The following TCEA3 variants were observed in gnomAD, a reference collection of about 807,000 sequenced individuals.
The protein encoded by TCEA3 is transcription elongation factor A protein 3.
A neutral mutation model predicts 44.0 loss-of-function variants in TCEA3; 36 were observed. The observed-to-expected ratio is 0.82, with a 90% CI of 0.63 to 1.08. TCEA3 has a LOEUF of 1.08. Ranked by LOEUF, TCEA3 falls within the 50% of genes least tolerant of loss-of-function variation. TCEA3 has a pLI of 0.00. For synonymous variants in TCEA3, 162 were observed against 159.7 expected (o/e 1.01, Z -0.11); for missense variants, 392 against 441.2 (o/e 0.89, Z 1.00).
chr1:23,400,373 C>CTTT (rs67325313), intron 5 of TCEA3, among the ~76,000 whole-genome samples: 16 of 133,456 alleles, frequency 1.2e-4, no homozygotes, highest in African/African-American at 2.5e-4. Context: ...CCACACCAGG[C>CTTT]TTTTTTTTTT....
chr1:23,416,585 G>C (rs540525685), intron 4 of TCEA3, among the ~76,000 whole-genome samples: 1 of 151,962 alleles, frequency 6.6e-6, no homozygotes, highest in Non-Finnish European at 1.5e-5. Flanking sequence ...TCCATCTCCC[G>C]GGCACAAGCG....
chr1:23,418,168 C>T (rs534295632), intron 2 of TCEA3, 159 bp from the exon 3 acceptor site: 1 of 668,906 alleles, frequency 1.5e-6, no homozygotes, highest in South Asian at 1.8e-5. Context: ...AACCCCACTA[C>T]TGTAACTAAG....
chr1:23,423,853 C>T (rs1475754760), intron 1 of TCEA3: 1 of 455,922 alleles, frequency 2.2e-6, no homozygotes, highest in Non-Finnish European at 4.4e-6. Context: ...CAGCCCTGCT[C>T]CCAACCTCCC....
At chr1:23,406,063 G>A (rs929573017) in intron 5 of TCEA3, among the ~76,000 whole-genome samples, 2 of 152,132 alleles carry the variant, frequency 1.3e-5, no homozygotes, top group African/African-American at 2.4e-5. Context: ...GAGATCCACT[G>A]GTCTAGAACC....
At chr1:23,414,019 A>G (rs1558066346) in intron 4 of TCEA3, among the ~76,000 whole-genome samples, 1 of 145,776 alleles carries the variant, frequency 6.9e-6, no homozygotes, top group Non-Finnish European at 1.5e-5. Context: ...TAAATTTTAT[A>G]TGTATATATA....
chr1:23,396,939 AG>A (rs1402041079), intron 7 of TCEA3, among the ~76,000 whole-genome samples: 4 of 142,122 alleles, frequency 2.8e-5, no homozygotes, highest in Non-Finnish European at 6.0e-5. Flanking sequence ...CAGAAGTTGT[AG>A]GTTGCAGTGA....
chr1:23,414,469 C>T (rs1218144433), intron 4 of TCEA3, among the ~76,000 whole-genome samples: 3 of 152,230 alleles, frequency 2.0e-5, no homozygotes, highest in African/African-American at 7.2e-5. Flanking sequence ...GTGGCACGAT[C>T]TTGGCTCACT....
intron 5 of TCEA3, 109 bp from the exon 6 acceptor site, chr1:23,398,064 C>T (rs1639275561): frequency 2.3e-6 from 3 of 1,328,122 alleles, no homozygotes; most frequent in Non-Finnish European, 3.1e-6. Flanking sequence ...TCATAACAAC[C>T]TCATGAGGTA....
rs772097607 is a variant in TCEA3, at chr1:23,417,271, T to C, written c.358A>G (p.Lys120Glu). The change falls in exon 4 of 11, where the codon AAA (lysine) becomes GAA (glutamate). Residue 120 changes from lysine (K) to glutamate (E), a missense_variant. Lys to Glu is a moderately conservative substitution (Grantham distance 56). Coordinates refer to ENST00000450454, the MANE Select transcript of TCEA3 (RefSeq NM_003196.3). ...PEAGLSPPRK[K>E]REDPKTRRDS... The stretch of plus-strand genomic sequence containing the variant: ...TACCTGGTTTTGGGGTCTTCTCGTT[T>C]TTTCCTTGGTGGAGAAAGGCCTGCT... The C allele has an allele frequency of 1.5e-4, 235 of 1,613,790 alleles. No homozygotes were observed. Among genetic ancestry groups the C allele is most frequent in the Non-Finnish European group, 1.9e-4 (230 of 1,179,888 alleles).
intron 5 of TCEA3, among the ~76,000 whole-genome samples, chr1:23,407,710 C>T (rs1639583202): frequency 6.6e-6 from 1 of 152,030 alleles, no homozygotes; most frequent in South Asian, 2.1e-4. Flanking sequence ...TACCTGTCTC[C>T]CCCTACTTAG....
At chr1:23,402,070 G>C (rs1639412181) in intron 5 of TCEA3, among the ~76,000 whole-genome samples, 1 of 152,238 alleles carries the variant, frequency 6.6e-6, no homozygotes, top group Non-Finnish European at 1.5e-5. Flanking sequence ...GCCGGGTGCA[G>C]TGGCTCATGC....
chr1:23,392,598 T>C, intron 8 of TCEA3, among the ~76,000 whole-genome samples: 4 of 136,424 alleles, frequency 2.9e-5, no homozygotes, highest in Admixed American at 7.4e-5. Flanking sequence ...ACACACACAC[T>C]CCACACATCA....
At chr1:23,407,037 A>G (rs1639564305) in intron 5 of TCEA3, among the ~76,000 whole-genome samples, 1 of 152,152 alleles carries the variant, frequency 6.6e-6, no homozygotes, top group Non-Finnish European at 1.5e-5. Context: ...CTCAAATCCA[A>G]CACATCGAGA....
intron 1 of TCEA3, chr1:23,423,730 G>C (rs1640131738): frequency 4.4e-6 from 2 of 455,974 alleles, no homozygotes; most frequent in Non-Finnish European, 8.8e-6. Flanking sequence ...GGCCAAATTT[G>C]CTCTGGCCAG....
intron 10 of TCEA3, among the ~76,000 whole-genome samples, chr1:23,382,903 T>C (rs554762897): frequency 1.3e-5 from 2 of 151,092 alleles, no homozygotes; most frequent in African/African-American, 4.8e-5. Flanking sequence ...AAGGAAAAAA[T>C]ACATAATCAT....
intron 2 of TCEA3, among the ~76,000 whole-genome samples, 180 bp downstream of exon 2, chr1:23,418,897 C>T (rs1419004593): frequency 6.6e-6 from 1 of 151,620 alleles, no homozygotes; most frequent in Non-Finnish European, 1.5e-5. Flanking sequence ...CTCTCCGCCC[C>T]CGAGATGCCC....
rs1639678666 is a variant in TCEA3 at position 23,410,584 on chromosome 1, C to T, written c.381-1858G>A. Among the ~76,000 whole-genome samples the T allele has an allele frequency of 1.3e-5, 2 of 152,012 alleles. 1 individual carries two copies. The highest frequency in any genetic ancestry group is 4.8e-5 in the African/African-American group (2 of 41,426). On this transcript the variant is annotated intron_variant, in intron 4 of 10. Transcript: ENST00000450454. ...TTGGGAGGCCAAAGTGGGCAGATCACTTGAGTCAGGAGTTCAAAACCAGCC... is the reference window on the plus strand; with the variant it reads ...TTGGGAGGCCAAAGTGGGCAGATCATTTGAGTCAGGAGTTCAAAACCAGCC...
intron 8 of TCEA3, among the ~76,000 whole-genome samples, chr1:23,389,808 T>C (rs190034337): frequency 7.5e-4 from 114 of 152,292 alleles, no homozygotes; most frequent in Admixed American, 4.0e-3. Context: ...CAAAATTCCA[T>C]GGCCAATTTC....
chr1:23,383,096 G>A (rs1223003741), intron 10 of TCEA3, among the ~76,000 whole-genome samples: 13 of 152,018 alleles, frequency 8.6e-5, no homozygotes, highest in African/African-American at 2.9e-4. Flanking sequence ...TGGCTAACAC[G>A]GTGAAACCCC....
Sources: gnomAD v4.1 joint callset for allele counts (sites outside exome capture counted in the v4.1 genomes callset) on GRCh38, gnomAD v4.1.1 for gene constraint, MANE v1.5 for transcripts, NCBI Gene and HGNC (gene_info 2026-07-23, HGNC 2026-07-21) for gene names.